The following SLC8A1 variants were observed in gnomAD, a reference collection of about 807,000 sequenced individuals.
SLC8A1 encodes the protein solute carrier family 8 member A1, also known as sodium/calcium exchanger 1.
SLC8A1 carries 18 observed loss-of-function variants against 68.3 expected under a neutral mutation model. The observed-to-expected ratio is 0.26, with a 90% CI of 0.18 to 0.39. SLC8A1 has a LOEUF of 0.39. SLC8A1 is among the 10% of genes least tolerant of loss of function. The pLI is 1.00. For missense variants in SLC8A1, 985 were observed against 1,156.7 expected, an observed-to-expected ratio of 0.85 and a Z score of 2.15; for synonymous variants, 475 against 415.5, an observed-to-expected ratio of 1.14 and a Z score of -1.74.
At chr2:40,420,273 A>T (rs1464175157) in intron 2 of SLC8A1, among the ~76,000 whole-genome samples, 1 of 152,116 alleles carries the variant, frequency 6.6e-6, no homozygotes, top group Non-Finnish European at 1.5e-5. Context: ...AATATGTTTT[A>T]ACCTCTTTTT....
intron 2 of SLC8A1, among the ~76,000 whole-genome samples, chr2:40,192,741 T>C (rs950331427): frequency 6.6e-6 from 1 of 152,208 alleles, no homozygotes; most frequent in Non-Finnish European, 1.5e-5. Context: ...CTGAATACTT[T>C]TTTTTATTGA....
At chr2:40,495,265 G>C (rs72953177) in intron 1 of SLC8A1, among the ~76,000 whole-genome samples, 1 of 151,834 alleles carries the variant, frequency 6.6e-6, no homozygotes, top group Admixed American at 6.6e-5. Flanking sequence ...TTAAATTCTG[G>C]CTATTTTGCT....
At chr2:40,333,496 CTAGCA>C (rs1308217598) in intron 2 of SLC8A1, among the ~76,000 whole-genome samples, 1 of 150,310 alleles carries the variant, frequency 6.7e-6, no homozygotes, top group Non-Finnish European at 1.5e-5. Flanking sequence ...TATTCCCAAG[CTAGCA>C]TAAGAATGTT....
chr2:40,122,226 GTGTGCGCGCGCACA>G (rs2037042300), intron 7 of SLC8A1, among the ~76,000 whole-genome samples: 2 of 136,196 alleles, frequency 1.5e-5, no homozygotes, highest in South Asian at 2.4e-4. Context: ...ACACACACAC[GTGTGCGCGCGCACA>G]CACACACACA....
intron 1 of SLC8A1, among the ~76,000 whole-genome samples, chr2:40,508,061 T>C (rs114300635): frequency 6.6e-6 from 1 of 152,260 alleles, no homozygotes; most frequent in African/African-American, 2.4e-5. Flanking sequence ...CAATTGGCAA[T>C]GGTTCTTAGA....
At chr2:40,124,206 T>C (rs548337378) in intron 7 of SLC8A1, among the ~76,000 whole-genome samples, 2 of 152,302 alleles carry the variant, frequency 1.3e-5, no homozygotes, top group East Asian at 1.9e-4. Flanking sequence ...CAGGTAGCCT[T>C]AATGGGTTAT....
chr2:40,500,348 C>A (rs907901393), intron 1 of SLC8A1, among the ~76,000 whole-genome samples: 1 of 152,154 alleles, frequency 6.6e-6, no homozygotes, highest in African/African-American at 2.4e-5. Context: ...AATCCATGGA[C>A]AAATGGCCTT....
At chr2:40,452,170 G>T (rs558611153), upstream of SLC8A1, 44 of 145,804 alleles carry the variant, frequency 3.0e-4, no homozygotes, top group African/African-American at 9.8e-4. Flanking sequence ...GCGCGCGCGC[G>T]CTCCCCCTCC....
At chr2:40,306,458 G>GA (rs1030327459) in intron 2 of SLC8A1, among the ~76,000 whole-genome samples, 18 of 147,400 alleles carry the variant, frequency 1.2e-4, no homozygotes, top group Non-Finnish European at 2.1e-4. Context: ...GTTGTGGGGG[G>GA]GGGCATAGCG....
At chr2:40,284,804 G>T (rs2068052840) in intron 2 of SLC8A1, among the ~76,000 whole-genome samples, 1 of 151,868 alleles carries the variant, frequency 6.6e-6, no homozygotes, top group South Asian at 2.1e-4. Context: ...GCTCACCAAG[G>T]ACAAGTGCTG....
intron 2 of SLC8A1, among the ~76,000 whole-genome samples, chr2:40,269,697 C>A (rs904750568): frequency 9.2e-5 from 14 of 152,126 alleles, no homozygotes; most frequent in Admixed American, 5.2e-4. Context: ...AGTGACCACA[C>A]AGAGGTGGTC....
chr2:40,354,736 G>C (rs757673273), intron 2 of SLC8A1, among the ~76,000 whole-genome samples: 2 of 152,154 alleles, frequency 1.3e-5, no homozygotes, highest in African/African-American at 2.4e-5. Flanking sequence ...GAAAAAGGGA[G>C]AAAAGAAAGG....
intron 2 of SLC8A1, among the ~76,000 whole-genome samples, chr2:40,241,049 G>C (rs948739736): frequency 3.2e-4 from 49 of 152,122 alleles, no homozygotes; most frequent in African/African-American, 1.2e-3. Context: ...ACATGGACTT[G>C]CACGTTCATC....
At chr2:40,304,477 C>A (rs767932737) in intron 2 of SLC8A1, among the ~76,000 whole-genome samples, 2 of 152,130 alleles carry the variant, frequency 1.3e-5, no homozygotes, top group Non-Finnish European at 1.5e-5. Context: ...GAACCTGAGC[C>A]ACCCAGACGA....
chr2:40,209,146 A>C (rs552832990), intron 2 of SLC8A1: 1 of 152,262 alleles, frequency 6.6e-6, no homozygotes, highest in African/African-American at 2.4e-5. Context: ...TGGAAAGAGT[A>C]CAGGAAAGCT....
At chr2:40,297,013 G>C (rs936326205) in intron 2 of SLC8A1, among the ~76,000 whole-genome samples, 2 of 151,902 alleles carry the variant, frequency 1.3e-5, no homozygotes, top group African/African-American at 4.8e-5. Context: ...TTCTACATCT[G>C]GGTCATGTGA....
intron 7 of SLC8A1, among the ~76,000 whole-genome samples, chr2:40,119,922 A>T (rs1011168206): frequency 3.3e-5 from 5 of 152,172 alleles, no homozygotes; most frequent in Non-Finnish European, 7.3e-5. Flanking sequence ...CACATCACAA[A>T]GTCAGGACGT....
chr2:40,449,786 A>G (rs1421703100), intron 1 of SLC8A1, among the ~76,000 whole-genome samples: 1 of 152,192 alleles, frequency 6.6e-6, no homozygotes, highest in Non-Finnish European at 1.5e-5. Context: ...TCTGATTATC[A>G]TGACACTCTT....
intron 2 of SLC8A1, among the ~76,000 whole-genome samples, chr2:40,378,979 T>C (rs1281611024): frequency 6.6e-6 from 1 of 152,130 alleles, no homozygotes; most frequent in Non-Finnish European, 1.5e-5. Context: ...TATTTATTTG[T>C]TCACTGTTTT....
Sources: gnomAD v4.1 joint callset for allele counts (sites outside exome capture counted in the v4.1 genomes callset) on GRCh38, gnomAD v4.1.1 for gene constraint, MANE v1.5 for transcripts, NCBI Gene and HGNC (gene_info 2026-07-23, HGNC 2026-07-21) for gene names.